Variants in FHIT observed in about 807,000 individuals in gnomAD.
FHIT encodes bis(5'-adenosyl)-triphosphatase.
In FHIT, 19 loss-of-function variants were observed where a neutral mutation model predicts 17.9. That is an observed-to-expected ratio of 1.06 (90% CI 0.74 to 1.56). The LOEUF (loss-of-function observed/expected upper bound fraction) is 1.56, where lower values mean the gene tolerates loss of function less well. Ranked by LOEUF, FHIT falls within the 40% of genes most tolerant of loss-of-function variation. The pLI is 0.00. For missense variants in FHIT, 248 were observed against 189.2 expected, an observed-to-expected ratio of 1.31 and a Z score of -1.82; for synonymous variants, 81 against 69.7, an observed-to-expected ratio of 1.16 and a Z score of -0.81.
intron 2 of FHIT, among the ~76,000 whole-genome samples, chr3:61,098,214 C>T (rs1263914924): frequency 6.6e-6 from 1 of 152,066 alleles, no homozygotes; most frequent in Non-Finnish European, 1.5e-5. Context: ...GAATCCTTTC[C>T]CCATTGCTTG....
chr3:61,093,382 G>C (rs148292288), intron 2 of FHIT, among the ~76,000 whole-genome samples: 1 of 152,322 alleles, frequency 6.6e-6, no homozygotes, highest in East Asian at 1.9e-4. Flanking sequence ...CTGGAGGGTA[G>C]AGGGTGCTTC....
intron 5 of FHIT, among the ~76,000 whole-genome samples, chr3:60,258,363 CCTCT>C (rs1200586628): frequency 6.6e-6 from 1 of 152,070 alleles, no homozygotes; most frequent in East Asian, 1.9e-4. Context: ...TGTTTAGCGG[CCTCT>C]CTAAAACTCC....
chr3:60,117,530 A>G (rs1181521160), intron 5 of FHIT, among the ~76,000 whole-genome samples: 1 of 144,106 alleles, frequency 6.9e-6, no homozygotes, highest in African/African-American at 2.6e-5. Flanking sequence ...GACACTGTTT[A>G]TCACCTAGGT....
intron 3 of FHIT, among the ~76,000 whole-genome samples, chr3:60,994,360 C>T (rs1559894966): frequency 1.3e-5 from 2 of 152,022 alleles, no homozygotes; most frequent in Non-Finnish European, 1.5e-5. Context: ...AATCAAGTCA[C>T]CAAGTGTATT....
intron 2 of FHIT, among the ~76,000 whole-genome samples, chr3:61,192,870 G>A (rs983072848): frequency 6.6e-6 from 1 of 152,164 alleles, no homozygotes. Flanking sequence ...CACAAATGGT[G>A]AGGCATCACC....
intron 7 of FHIT, among the ~76,000 whole-genome samples, chr3:59,963,594 A>G (rs1707790152): frequency 6.6e-6 from 1 of 152,200 alleles, no homozygotes; most frequent in African/African-American, 2.4e-5. Flanking sequence ...TCACGTATCC[A>G]AGTATCACAT....
intron 8 of FHIT, among the ~76,000 whole-genome samples, chr3:59,919,804 A>G (rs538051773): frequency 2.2e-4 from 34 of 152,322 alleles, no homozygotes; most frequent in African/African-American, 7.5e-4. Flanking sequence ...GCTCCCATCA[A>G]TATAAAGAAT....
intron 5 of FHIT, among the ~76,000 whole-genome samples, chr3:60,503,375 A>G (rs1036647086): frequency 9.9e-5 from 15 of 152,156 alleles, no homozygotes; most frequent in African/African-American, 3.6e-4. Context: ...TCAAACATTT[A>G]TTATCATAAC....
rs547927474 is a variant in FHIT at position 59,950,910 on chromosome 3, T to C, written c.280-28496A>G. Among the ~76,000 whole-genome samples the C allele has an allele frequency of 3.9e-5, 6 of 152,268 alleles. No homozygotes were observed. In the East Asian group the frequency reaches 9.6e-4, roughly 24 times the overall value. On this transcript the variant is annotated intron_variant, in intron 7 of 9. Coordinates refer to ENST00000492590, the MANE Select transcript of FHIT (RefSeq NM_002012.4). ...GAGTCACTAGTGGTGACCACAGTAATAGTATTAGGATGAACCACATGAAAT... is the reference window on the plus strand; with the variant it reads ...GAGTCACTAGTGGTGACCACAGTAACAGTATTAGGATGAACCACATGAAAT...
At chr3:60,470,058 T>TTCTTTCTCTCTCTCTCTCTCTC (rs1323971036) in intron 5 of FHIT, among the ~76,000 whole-genome samples, 72 of 143,032 alleles carry the variant, frequency 5.0e-4, no homozygotes, top group African/African-American at 1.8e-3. Context: ...CTCTCTTTCT[T>TTCTTTCTCTCTCTCTCTCTCTC]TCTCTCTCTC....
At chr3:60,841,326 T>C (rs1163429677) in intron 3 of FHIT, among the ~76,000 whole-genome samples, 2 of 152,344 alleles carry the variant, frequency 1.3e-5, no homozygotes, top group South Asian at 4.1e-4. Context: ...CCCATCCTTG[T>C]TGTCTTTTAA....
At chr3:61,109,814 C>A (rs1027315430) in intron 2 of FHIT, among the ~76,000 whole-genome samples, 3 of 152,154 alleles carry the variant, frequency 2.0e-5, no homozygotes. Context: ...AAAATAGTGG[C>A]TCTCTTCTTC....
chr3:60,547,633 C>T (rs1386542109), intron 4 of FHIT, among the ~76,000 whole-genome samples: 1 of 152,116 alleles, frequency 6.6e-6, no homozygotes, highest in Non-Finnish European at 1.5e-5. Context: ...TATTTGTACC[C>T]TCTCTACCTC....
At chr3:61,109,769 C>A (rs2036099592) in intron 2 of FHIT, among the ~76,000 whole-genome samples, 1 of 152,186 alleles carries the variant, frequency 6.6e-6, no homozygotes. Flanking sequence ...GTCTTTCACA[C>A]AAACACATAC....
intron 5 of FHIT, among the ~76,000 whole-genome samples, chr3:60,050,806 T>C (rs1448992904): frequency 6.6e-6 from 1 of 152,170 alleles, no homozygotes; most frequent in Non-Finnish European, 1.5e-5. Context: ...ACCTGAGAGC[T>C]GGGAGTGCTC....
At chr3:60,709,484 C>T (rs899639233) in intron 4 of FHIT, among the ~76,000 whole-genome samples, 77 of 152,156 alleles carry the variant, frequency 5.1e-4, no homozygotes, top group Non-Finnish European at 3.1e-4. Flanking sequence ...GAGTAGAACC[C>T]GAAACCACAT....
intron 5 of FHIT, among the ~76,000 whole-genome samples, chr3:60,371,470 G>T (rs1173978682): frequency 6.6e-6 from 1 of 151,846 alleles, no homozygotes; most frequent in East Asian, 1.9e-4. Context: ...TGATCCTCCT[G>T]CCTCTGCCTC....
chr3:61,164,717 G>A lies in FHIT; in HGVS notation c.-164+35900C>T, dbSNP rs375705363. Among the ~76,000 whole-genome samples, 10 of 152,208 alleles carry A rather than the reference G, an allele frequency of 6.6e-5. No homozygotes were observed. In the South Asian group the frequency reaches 1.5e-3, roughly 22 times the overall value. ...CCTGAGTATATTGTATGATGCTGAG[G>A]TTTGGAGTACAAATGATCCTGTCAT... On this transcript the variant is annotated intron_variant, in intron 2 of 9. Transcript: ENST00000492590.
intron 3 of FHIT, among the ~76,000 whole-genome samples, chr3:60,970,364 AC>A (rs953609393): frequency 2.6e-5 from 4 of 152,104 alleles, no homozygotes; most frequent in African/African-American, 9.7e-5. Context: ...TTATATTTAG[AC>A]TGTACCTCAC....
Sources: allele counts gnomAD v4.1 joint callset (sites outside exome capture counted in the v4.1 genomes callset), GRCh38; gene constraint gnomAD v4.1.1; transcripts MANE v1.5; gene names NCBI Gene and HGNC (gene_info 2026-07-23, HGNC 2026-07-21).